Variants in BSCL2 observed in about 807,000 individuals in gnomAD.
BSCL2 encodes the protein seipin.
In BSCL2, 41 loss-of-function variants were observed where a neutral mutation model predicts 57.4. That is an observed-to-expected ratio of 0.71 (90% confidence interval 0.56 to 0.93). The LOEUF (loss-of-function observed/expected upper bound fraction) is 0.93, where lower values mean the gene tolerates loss of function less well. Ranked by LOEUF, BSCL2 falls within the 40% of genes least tolerant of loss-of-function variation. The pLI is 0.00. For synonymous variants in BSCL2, 237 were observed against 227.3 expected, an observed-to-expected ratio of 1.04 and a Z score of -0.38; for missense variants, 539 against 586.7, an observed-to-expected ratio of 0.92 and a Z score of 0.84.
rs572734140 is a variant in BSCL2, at chr11:62,703,422, G to A, written c.405-873C>T. On this transcript the variant is annotated intron_variant, in intron 2 of 10. Coordinates refer to ENST00000360796, the MANE Select transcript of BSCL2 (RefSeq NM_001122955.4). ...GCTGGAGTGCAGTGGCACGATCTCGGCTCACTGCAAGCTCCGCTTCCCAGG... is the reference window on the plus strand; with the variant it reads ...GCTGGAGTGCAGTGGCACGATCTCGACTCACTGCAAGCTCCGCTTCCCAGG... Among the ~76,000 whole-genome samples, 10 of 145,298 alleles carry A rather than the reference G, an allele frequency of 6.9e-5. 1 individual carries two copies. The South Asian group carries it at 9.0e-4, about 13-fold the overall frequency.
chr11:62,690,811 T>C lies in BSCL2; in HGVS notation c.1129A>G (p.Ser377Gly). Residue 377 changes from serine to glycine, a missense_variant, in exon 9 of 11, where the codon AGC becomes GGC. Ser to Gly is a moderately conservative substitution (Grantham distance 56). This residue lies in a region of BSCL2 where 248 missense variants were observed against 239.9 expected (regional missense o/e 1.03). Coordinates refer to ENST00000360796, the MANE Select transcript of BSCL2 (RefSeq NM_001122955.4). ...CCTGTCCCTGAGGGATCTTCAGGGC[T>C]CTCACCATCCTCTGTAACATCTGAT... ...PQSDVTEDGE[S>G]PEDPSGTEGQ... 1 of 1,613,626 alleles carries C rather than the reference T, an allele frequency of 6.2e-7. No individual in the cohort carries two copies. Among genetic ancestry groups the C allele is most frequent in the South Asian group, 1.1e-5 (1 of 91,080 alleles).
chr11:62,705,473 G>T lies in BSCL2; in HGVS notation c.232C>A (p.Gln78Lys), dbSNP rs2083512770. The T allele has an allele frequency of 1.9e-6, 3 of 1,614,050 alleles. No homozygotes were observed. Among genetic ancestry groups the T allele is most frequent in the Admixed American group, 1.7e-5 (1 of 60,008 alleles). ...CCTGCCAAGACTTGGCCCACCTCCT[G>T]GGCCCACAGTAAGGCAGGTACTGGA... ...DPPVPALLWA[Q>K]EVGQVLAGRA... The change falls in exon 2 of 11, where the codon CAG becomes AAG. Residue 78 changes from glutamine to lysine, a missense_variant. Gln to Lys is a moderately conservative substitution (Grantham distance 53). Coordinates refer to ENST00000360796, the MANE Select transcript of BSCL2 (RefSeq NM_001122955.4).
At chr11:62,707,887 A>G (rs2083568373), upstream of BSCL2, 1 of 276,600 alleles carries the variant, frequency 3.6e-6, no homozygotes, top group African/African-American at 2.2e-5. Context: ...CCCTACACCC[A>G]GGGCTGCTAC....
At position 62,707,424 on chromosome 11, in the gene BSCL2, T is replaced by C; in HGVS notation, c.-229A>G. The stretch of plus-strand genomic sequence containing the variant: ...GCCCAGCTGATGTCAGATTTTCAAA[T>C]GAGCAGGGTCCCCCGCAGCCAGTAC... On this transcript the variant is annotated 5_prime_UTR_variant, in exon 1 of 11. Coordinates refer to ENST00000360796, the MANE Select transcript of BSCL2 (RefSeq NM_001122955.4). 1 of 699,630 alleles carries C rather than the reference T, an allele frequency of 1.4e-6. No homozygotes were observed. Among genetic ancestry groups the C allele is most frequent in the Non-Finnish European group, 2.6e-6 (1 of 384,536 alleles). 43.3% of individuals were successfully genotyped at this position (699,630 alleles called of 1,614,324 possible).
At chr11:62,699,728 G>A (rs1945585302) in intron 3 of BSCL2, among the ~76,000 whole-genome samples, 1 of 145,630 alleles carries the variant, frequency 6.9e-6, no homozygotes, top group Non-Finnish European at 1.5e-5. Context: ...ACTCAGGCTG[G>A]AGTGCAATGG....
chr11:62,703,832 G>T (rs1025519835), intron 2 of BSCL2, among the ~76,000 whole-genome samples: 1 of 151,580 alleles, frequency 6.6e-6, no homozygotes, highest in Non-Finnish European at 1.5e-5. Flanking sequence ...TAAGAAAAGA[G>T]AACTAGGCCG....
intron 4 of BSCL2, among the ~76,000 whole-genome samples, chr11:62,693,176 G>A (rs1386135484): frequency 2.0e-5 from 3 of 152,134 alleles, no homozygotes; most frequent in African/African-American, 7.2e-5. Context: ...TTCATGATGA[G>A]GTTGTGTTGT....
chr11:62,706,656 G>A (rs1006983572), intron 1 of BSCL2: 2 of 475,236 alleles, frequency 4.2e-6, no homozygotes, highest in Non-Finnish European at 8.7e-6. Flanking sequence ...CGAGTGAGGC[G>A]GTCATCCAGC....
At position 62,702,569 on chromosome 11, in the gene BSCL2, G is replaced by A. The variant is rs778111224; in HGVS notation, c.405-20C>T. The A allele has an allele frequency of 1.5e-5, 24 of 1,599,132 alleles. No individual in the cohort carries two copies. Among genetic ancestry groups the A allele is most frequent in the Non-Finnish European group, 2.1e-5 (24 of 1,168,080 alleles). On this transcript the variant is annotated intron_variant, in intron 2 of 10. Coordinates refer to ENST00000360796, the MANE Select transcript of BSCL2 (RefSeq NM_001122955.4). Reference sequence around the variant, plus strand: ...TCGGTCCTAAATGAGATTGGAGGAGGATACTCTGCTAAGTTAGTCTTACTA... The same window carrying A: ...TCGGTCCTAAATGAGATTGGAGGAGAATACTCTGCTAAGTTAGTCTTACTA...
chr11:62,707,851 C>A (rs2083567834), upstream of BSCL2: 1 of 252,560 alleles, frequency 4.0e-6, no homozygotes, highest in Non-Finnish European at 7.8e-6. Flanking sequence ...CCATTTCAGG[C>A]AGAAGGTTTT....
At chr11:62,705,909 T>A (rs1274509068) in intron 1 of BSCL2, 1 of 399,778 alleles carries the variant, frequency 2.5e-6, no homozygotes, top group Non-Finnish European at 4.5e-6. Context: ...TAACAAAGAA[T>A]AAGCACCTTA....
intron 6 of BSCL2, among the ~76,000 whole-genome samples, chr11:62,692,051 TAA>T (rs5792267): frequency 6.8e-3 from 900 of 132,346 alleles, no homozygotes; most frequent in East Asian, 0.011. Context: ...GACCCCCTCT[TAA>T]AAAAAAAAAA....
chr11:62,703,346 CGT>C (rs1491160768), intron 2 of BSCL2, among the ~76,000 whole-genome samples: 20 of 125,164 alleles, frequency 1.6e-4, no homozygotes, highest in East Asian at 4.9e-4. Flanking sequence ...CATGCATATA[CGT>C]TTTTTTTTTT....
intron 1 of BSCL2, chr11:62,706,816 T>C (rs2083548369): frequency 1.5e-5 from 9 of 587,868 alleles, no homozygotes; most frequent in South Asian, 1.2e-4. Context: ...CGTGGTAGCA[T>C]TGTGGACCTC....
upstream of BSCL2, chr11:62,709,526 G>A (rs1295625886): frequency 1.1e-5 from 5 of 451,710 alleles, no homozygotes; most frequent in African/African-American, 4.0e-5. Flanking sequence ...GGGTAGGGGC[G>A]GAGCTTGGCT....
intron 3 of BSCL2, among the ~76,000 whole-genome samples, chr11:62,695,663 A>G (rs1335802576): frequency 1.4e-5 from 2 of 143,404 alleles, no homozygotes; most frequent in South Asian, 2.2e-4. Flanking sequence ...GTGAGCCGAG[A>G]GCGCGCCATT....
intron 3 of BSCL2, among the ~76,000 whole-genome samples, chr11:62,700,184 C>G (rs1035817427): frequency 6.6e-6 from 1 of 150,616 alleles, no homozygotes; most frequent in Non-Finnish European, 1.5e-5. Flanking sequence ...AAGGCTGCAG[C>G]GAGCCGTGAT....
chr11:62,702,455 T>C lies in BSCL2; in HGVS notation c.486+13A>G. 1 of 1,604,454 alleles carries C rather than the reference T, an allele frequency of 6.2e-7. No homozygotes were observed. The highest frequency in any genetic ancestry group is 1.1e-5 in the South Asian group (1 of 90,838). On this transcript the variant is annotated intron_variant, in intron 3 of 10. Coordinates refer to ENST00000360796, the MANE Select transcript of BSCL2 (RefSeq NM_001122955.4). ...AAGCTCTAATGAAACCTCTCTCTAG[T>C]TCCCATACTCACCCGATCACGTCCA...
upstream of BSCL2, chr11:62,708,344 C>T (rs2083578206): frequency 3.1e-6 from 5 of 1,613,658 alleles, no homozygotes; most frequent in South Asian, 2.2e-5. Context: ...TGGGCAAGCA[C>T]GCAAGATGGT....
Sources: allele counts gnomAD v4.1 joint callset (sites outside exome capture counted in the v4.1 genomes callset), GRCh38; gene constraint gnomAD v4.1.1; regional missense constraint gnomAD v4.1.1; transcripts MANE v1.5; gene names NCBI Gene and HGNC (gene_info 2026-07-23, HGNC 2026-07-21).